The following PKLR variants were observed in gnomAD, a reference collection of about 807,000 sequenced individuals.
PKLR encodes the protein pyruvate kinase L/R.
A neutral mutation model predicts 53.6 loss-of-function variants in PKLR; 38 were observed. The observed-to-expected ratio is 0.71, with a 90% confidence interval of 0.55 to 0.93. PKLR has a LOEUF of 0.93. PKLR is among the 40% of genes least tolerant of loss of function. The pLI is 0.00. For synonymous variants in PKLR, 328 were observed against 316.2 expected (o/e 1.04, Z -0.39); for missense variants, 702 against 787.3 (o/e 0.89, Z 1.30).
At chr1:155,301,442 G>C, upstream of PKLR, 1 of 1,613,906 alleles carries the variant, frequency 6.2e-7, no homozygotes. Context: ...ATGAGAGGGA[G>C]AGGATGACAA....
Position 155,296,434 on chromosome 1 carries a change from C to T in PKLR, c.284-678G>A, listed in dbSNP as rs371171567. ...CTCAGCTCACTGCAACCTCTGCCTCCCCAGTTCAAGTGATTATCCTGCTTC... is the reference window on the plus strand; with the variant it reads ...CTCAGCTCACTGCAACCTCTGCCTCTCCAGTTCAAGTGATTATCCTGCTTC... On this transcript the variant is annotated intron_variant, in intron 2 of 10. Coordinates refer to ENST00000342741, the MANE Select transcript of PKLR (RefSeq NM_000298.6). Among the ~76,000 whole-genome samples, 12 of 152,196 alleles carry T rather than the reference C, an allele frequency of 7.9e-5. No individual in the cohort carries two copies. The East Asian group carries it at 1.5e-3, about 20-fold the overall frequency.
rs555712170 is a variant in PKLR, at chr1:155,294,714, C to T, written c.733G>A (p.Val245Ile). ...GLVTQVENGG[V>I]LGSRKGVNLP... is the part of the protein sequence containing the mutation. ...TTCACGCCCTTCCGGCTGCCCAGGACGCCGCCGTTCTCCACTTGGGTCACC... is the reference window on the plus strand; with the variant it reads ...TTCACGCCCTTCCGGCTGCCCAGGATGCCGCCGTTCTCCACTTGGGTCACC... Residue 245 changes from valine to isoleucine, a missense_variant, in exon 6 of 11, where the codon GTC becomes ATC. By Grantham distance (29) the Val-to-Ile change is conservative. This residue lies in a region of PKLR where 519 missense variants were observed against 537.1 expected (regional missense o/e 0.97). Transcript: ENST00000342741. 3.4e-5 allele frequency: 55 copies of T among 1,613,722 alleles called. No individual in the cohort carries two copies. Among genetic ancestry groups the T allele is most frequent in the Non-Finnish European group, 4.6e-5 (54 of 1,180,014 alleles).
chr1:155,291,760 T>A lies in PKLR; in HGVS notation c.1614A>T (p.Glu538Asp), dbSNP rs201217064. The part of the protein sequence containing the change: ...DVDRRVQFGI[E>D]SGKLRGFLRV... ...GGGAAGGTCTAGGTAGCTCACCACT[T>A]TCAATGCCAAATTGCACCCGGCGAT... The change falls in exon 10 of 11, where the codon GAA becomes GAT. Residue 538 changes from glutamate (E) to aspartate (D), a missense_variant. By Grantham distance (45) the Glu-to-Asp change is conservative. Coordinates refer to ENST00000342741, the MANE Select transcript of PKLR (RefSeq NM_000298.6). The A allele has an allele frequency of 3.1e-4, 506 of 1,613,966 alleles. 2 individuals are homozygous for A. The highest frequency in any genetic ancestry group is 7.7e-4 in the Admixed American group (46 of 60,006).
In PKLR at chr1:155,295,367, C is replaced by G; in HGVS notation, c.508-65G>C. 2.5e-6 allele frequency: 4 copies of G among 1,612,870 alleles called. No individual in the cohort carries two copies. Among genetic ancestry groups the G allele is most frequent in the Non-Finnish European group, 2.5e-6 (3 of 1,179,284 alleles). On this transcript the variant is annotated intron_variant, in intron 4 of 10. Coordinates refer to ENST00000342741, the MANE Select transcript of PKLR (RefSeq NM_000298.6). This position sits in a 1 kb window ranked among gnomAD's most constrained non-coding sequence, Gnocchi z 4.3. Reference sequence around the variant, plus strand: ...GGAGTCCGGGACCCGCCCCTGCCCACGCCTGGGCCCAACCCTACAGGCGCC... The same window carrying G: ...GGAGTCCGGGACCCGCCCCTGCCCAGGCCTGGGCCCAACCCTACAGGCGCC...
Position 155,295,650 on chromosome 1 carries a change from C to T in PKLR, c.375+15G>A, listed in dbSNP as rs370958480. 6.4e-5 allele frequency: 104 copies of T among 1,613,976 alleles called. No individual in the cohort carries two copies. Among genetic ancestry groups the T allele is most frequent in the Non-Finnish European group, 8.2e-5 (97 of 1,179,914 alleles). ...TCCTCCTGCCCCACCCACTGCCCGG[C>T]GGCCCGTCCCGCACCTCGTGGGAGC... On this transcript the variant is annotated intron_variant, in intron 3 of 10. Transcript: ENST00000342741. The surrounding 1 kb of genome is among the most constrained non-coding windows in gnomAD (Gnocchi z 4.3).
At position 155,294,601 on chromosome 1, in the gene PKLR, G is replaced by C. The variant is rs972319705; in HGVS notation, c.846C>G (p.Ile282Met). ...LRFGVEHGVD[I>M]VFASFVRKAS... is the part of the protein sequence containing the mutation. ...CTTTCCGCACAAAGGAGGCAAAGAC[G>C]ATGTCCACCCCATGCTCCACCCCGA... is the stretch of plus-strand genomic sequence containing the variant. The change falls in exon 6 of 11, where the codon ATC becomes ATG. Residue 282 changes from isoleucine to methionine, a missense_variant. By Grantham distance (10) the Ile-to-Met change is conservative. Coordinates refer to ENST00000342741, the MANE Select transcript of PKLR (RefSeq NM_000298.6). 1 of 1,614,206 alleles carries C rather than the reference G, an allele frequency of 6.2e-7. No homozygotes were observed. Among genetic ancestry groups the C allele is most frequent in the Non-Finnish European group, 8.5e-7 (1 of 1,180,032 alleles).
At chr1:155,296,479 AT>A (rs1647603566) in intron 2 of PKLR, among the ~76,000 whole-genome samples, 1 of 151,816 alleles carries the variant, frequency 6.6e-6, no homozygotes, top group Non-Finnish European at 1.5e-5. Context: ...AGTAGCTGGG[AT>A]TACAGGTGTG....
intron 10 of PKLR, among the ~76,000 whole-genome samples, chr1:155,291,043 A>G (rs974587317): frequency 1.3e-5 from 2 of 148,722 alleles, no homozygotes; most frequent in Admixed American, 6.7e-5. Context: ...ATAATAATAA[A>G]AGAAGAAAAG....
chr1:155,291,668 C>T (rs1674548457), intron 10 of PKLR, 88 bp downstream of exon 10: 1 of 1,165,422 alleles, frequency 8.6e-7, no homozygotes. Context: ...AGGAGAGAGG[C>T]AAGGCCCTTT....
At chr1:155,299,069 C>CTTCT (rs1482899761) in intron 2 of PKLR, among the ~76,000 whole-genome samples, 1 of 138,164 alleles carries the variant, frequency 7.2e-6, no homozygotes, top group African/African-American at 2.8e-5. Context: ...TCCTTCCTTC[C>CTTCT]TTCTTTCTTT....
chr1:155,303,967 A>G (rs1648161435), upstream of PKLR, among the ~76,000 whole-genome samples: 1 of 152,110 alleles, frequency 6.6e-6, no homozygotes, highest in African/African-American at 2.4e-5. Context: ...GAGGAAGAAA[A>G]AGCTTGGTGC....
upstream of PKLR, among the ~76,000 whole-genome samples, chr1:155,305,088 A>G (rs898791489): frequency 6.6e-5 from 10 of 152,058 alleles, no homozygotes; most frequent in Admixed American, 6.6e-4. Flanking sequence ...TCTAGGGACC[A>G]TTCTCTCCCT....
Position 155,290,389 on chromosome 1 carries a change from G to A in PKLR, c.*183C>T. The A allele has an allele frequency of 1.3e-5, 8 of 608,486 alleles. 1 individual carries two copies. Among genetic ancestry groups the A allele is most frequent in the South Asian group, 9.5e-5 (5 of 52,760 alleles). 37.7% of individuals were successfully genotyped at this position (608,486 alleles called of 1,614,324 possible). A position where few individuals can be genotyped will look rare whatever the true frequency, so the allele number is the denominator to read the frequency against. On this transcript the variant is annotated 3_prime_UTR_variant, in exon 11 of 11. Transcript: ENST00000342741. ...CCTGTGTGAAATGGAGATGGGGAAG[G>A]GGCAACCTCGAAGGGGCTAGATGAC...
chr1:155,295,140 T>C lies in PKLR; in HGVS notation c.670A>G (p.Ile224Val). The C allele has an allele frequency of 6.2e-7, 1 of 1,614,068 alleles. No homozygotes were observed. Among genetic ancestry groups the C allele is most frequent in the Admixed American group, 1.7e-5 (1 of 60,030 alleles). The change falls in exon 5 of 11, where the codon ATC (isoleucine) becomes GTC (valine). Residue 224 changes from isoleucine (I) to valine (V), a missense_variant. Coordinates refer to ENST00000342741, the MANE Select transcript of PKLR (RefSeq NM_000298.6). The surrounding 1 kb of genome is among the most constrained non-coding windows in gnomAD (Gnocchi z 4.3). The part of the protein sequence containing the change: ...GGRIYIDDGL[I>V]SLVVQKIGPE... ...CCGATTTTCTGGACCACTAGGGAGA[T>C]GAGCCCGTCGTCAATGTAGATGCGG...
chr1:155,306,888 T>C, the PKLR span, among the ~76,000 whole-genome samples: 3 of 152,150 alleles, frequency 2.0e-5, no homozygotes, highest in African/African-American at 7.2e-5. The surrounding 1 kb of genome is among the most constrained non-coding windows in gnomAD (Gnocchi z 4.2). Flanking sequence ...GGCTCATGAG[T>C]GAAGCTGCAG....
chr1:155,308,621 G>A, the PKLR span: 1 of 985,452 alleles, frequency 1.0e-6, no homozygotes, highest in South Asian at 4.7e-5. Flanking sequence ...CCACAGCGGG[G>A]ACGTTCCCAG....
At chr1:155,299,667 C>T (rs1043768849) in intron 2 of PKLR, among the ~76,000 whole-genome samples, 16 of 151,318 alleles carry the variant, frequency 1.1e-4, no homozygotes, top group African/African-American at 3.2e-4. Flanking sequence ...CCACCATGCC[C>T]GGCTAATTTT....
At chr1:155,302,296 G>T (rs1334248870), upstream of PKLR, among the ~76,000 whole-genome samples, 2 of 149,576 alleles carry the variant, frequency 1.3e-5, no homozygotes, top group Admixed American at 6.7e-5. Context: ...GAGTGCAGTG[G>T]CGTGATCTTG....
At chr1:155,292,045 G>A (rs1290367538) in intron 9 of PKLR, 108 bp from the exon 10 acceptor site, 1 of 1,049,602 alleles carries the variant, frequency 9.5e-7, no homozygotes, top group East Asian at 2.5e-5. Flanking sequence ...TGTGACCCTG[G>A]GTAAGTCATC....
Sources: allele counts gnomAD v4.1 joint callset (sites outside exome capture counted in the v4.1 genomes callset), GRCh38; gene constraint gnomAD v4.1.1; regional missense constraint gnomAD v4.1.1; non-coding constraint Gnocchi (gnomAD v3.1); transcripts MANE v1.5; gene names NCBI Gene and HGNC (gene_info 2026-07-23, HGNC 2026-07-21).